ADHFE1: variants seen among roughly 807,000 people sequenced by gnomAD.
ADHFE1 encodes the protein hydroxyacid-oxoacid transhydrogenase, mitochondrial.
A neutral mutation model predicts 54.8 loss-of-function variants in ADHFE1; 37 were observed. The observed-to-expected ratio is 0.68, with a 90% CI of 0.52 to 0.89. The LOEUF (loss-of-function observed/expected upper bound fraction) is 0.89. ADHFE1 is among the 40% of genes least tolerant of loss of function. The probability of loss-of-function intolerance (pLI) is 0.00; values close to 1 mark genes in which losing one functional copy is unlikely to be tolerated. For synonymous variants in ADHFE1, 203 were observed against 229.3 expected (o/e 0.89, Z 1.04); for missense variants, 601 against 591.2 (o/e 1.02, Z -0.17).
At position 66,447,282 on chromosome 8, in the gene ADHFE1, C is replaced by G; in HGVS notation, c.569C>G (p.Thr190Ser). ...PLIAVPTTSGTGSETTGVAIF... is the reference protein window; with the variant it reads ...PLIAVPTTSGSGSETTGVAIF... ...GTTCAAGTGCCAACTACCTCAGGAA[C>G]CGGGAGTGAAACTACTGGGGTTGCC... The change falls in exon 7 of 14, where the codon ACC becomes AGC. Residue 190 changes from threonine (T) to serine (S), a missense_variant. By Grantham distance (58) the Thr-to-Ser change is moderately conservative (BLOSUM62 1). Transcript: ENST00000396623. The G allele has an allele frequency of 6.2e-7, 1 of 1,613,354 alleles. No individual in the cohort carries two copies.
At chr8:66,436,057 A>G (rs2130333221) in intron 1 of ADHFE1, among the ~76,000 whole-genome samples, 1 of 151,646 alleles carries the variant, frequency 6.6e-6, no homozygotes, top group Non-Finnish European at 1.5e-5. Context: ...CTGGGATTAC[A>G]GGCACACACC....
chr8:66,444,556 C>G, intron 4 of ADHFE1, 38 bp from the exon 5 acceptor site: 1 of 1,612,896 alleles, frequency 6.2e-7, no homozygotes, highest in African/African-American at 1.3e-5. Flanking sequence ...TATTGCAGTT[C>G]TAGTGGAGTT....
intron 8 of ADHFE1, 128 bp from the exon 9 acceptor site, chr8:66,451,825 C>A: frequency 9.7e-7 from 1 of 1,034,372 alleles, no homozygotes; most frequent in Non-Finnish European, 1.4e-6. Context: ...GTACTGTGAT[C>A]ATCAGTGTTA....
chr8:66,460,946 G>A (rs560521660), intron 13 of ADHFE1, among the ~76,000 whole-genome samples: 1 of 152,320 alleles, frequency 6.6e-6, no homozygotes, highest in South Asian at 2.1e-4. Context: ...CGATGAATGT[G>A]GGAGATTGTA....
chr8:66,459,415 T>C (rs1473162971), intron 12 of ADHFE1: 5 of 109,616 alleles, frequency 4.6e-5, no homozygotes, highest in Non-Finnish European at 1.8e-5. Flanking sequence ...TTTTATTATA[T>C]ATATATATAT....
intron 2 of ADHFE1, among the ~76,000 whole-genome samples, chr8:66,440,423 C>A (rs560878286): frequency 3.3e-5 from 5 of 152,274 alleles, no homozygotes; most frequent in Non-Finnish European, 5.9e-5. Flanking sequence ...CTATTTAATG[C>A]TACTTACAAC....
chr8:66,447,157 G>A, intron 6 of ADHFE1, 107 bp from the exon 7 acceptor site: 1 of 842,964 alleles, frequency 1.2e-6, no homozygotes, highest in Non-Finnish European at 1.8e-6. Context: ...AAGAGGGTCA[G>A]CAAAGTTTCC....
In ADHFE1 at chr8:66,447,282, C is replaced by A. The variant is rs1166388537; in HGVS notation, c.569C>A (p.Thr190Asn). The A allele has an allele frequency of 6.2e-7, 1 of 1,613,354 alleles. No homozygotes were observed. Among genetic ancestry groups the A allele is most frequent in the South Asian group, 1.1e-5 (1 of 90,928 alleles). ...PLIAVPTTSGTGSETTGVAIF... is the reference protein window; with the variant it reads ...PLIAVPTTSGNGSETTGVAIF... ...GTTCAAGTGCCAACTACCTCAGGAA[C>A]CGGGAGTGAAACTACTGGGGTTGCC... The change falls in exon 7 of 14, where the codon ACC (threonine) becomes AAC (asparagine). Residue 190 changes from threonine (T) to asparagine (N), a missense_variant. Transcript: ENST00000396623.
intron 2 of ADHFE1, among the ~76,000 whole-genome samples, chr8:66,441,491 C>G (rs2465985): frequency 0.6 from 91,681 of 152,012 alleles, 28,461 homozygotes; most frequent in African/African-American, 0.72. Flanking sequence ...TTGTTGTCCA[C>G]TTCTGATCTA....
chr8:66,458,836 G>T (rs1490109285), intron 12 of ADHFE1, among the ~76,000 whole-genome samples: 4 of 151,972 alleles, frequency 2.6e-5, no homozygotes, highest in African/African-American at 9.7e-5. Flanking sequence ...ACACTTCATA[G>T]GAAAATGCAG....
At position 66,443,264 on chromosome 8, in the gene ADHFE1, A is replaced by ATTTTTTTTTTTT. The variant is rs540464621; in HGVS notation, c.144+441_144+452dup. 6.9e-3 allele frequency among the ~76,000 whole-genome samples: 593 copies of ATTTTTTTTTTTT among 86,046 alleles called. 65 individuals carry two copies. The highest frequency in any genetic ancestry group is 8.2e-3 in the Non-Finnish European group (337 of 40,912). 56.4% of individuals were successfully genotyped at this position (86,046 alleles called of 152,430 possible). Reference sequence around the variant, plus strand: ...GTCCCTGTCTCCTCCTAGTCCAGGAATTTTTTTTTTTTTTTTTTTTTTTTT... The same window carrying ATTTTTTTTTTTT: ...GTCCCTGTCTCCTCCTAGTCCAGGAATTTTTTTTTTTTTTTTTTTTTTTTTTTTTTTTTTTTT... On this transcript the variant is annotated intron_variant, in intron 3 of 13. Coordinates refer to ENST00000396623, the MANE Select transcript of ADHFE1 (RefSeq NM_144650.3).
chr8:66,459,963 G>C (rs995068762), intron 12 of ADHFE1: 1 of 219,822 alleles, frequency 4.5e-6, no homozygotes, highest in Admixed American at 5.1e-5. Context: ...CAAATTCCAA[G>C]CCTTGAAATT....
rs1161910246 is a variant in ADHFE1, at chr8:66,444,747, A to T, written c.352A>T (p.Ser118Cys). ...TGTGAGAGTGGAACCAACGGATTCA[A>T]GGTATTCTTGTATTGTTGTTATTGT... ...DNVRVEPTDSSFMEAIEFAQK... is the reference protein window; with the variant it reads ...DNVRVEPTDSCFMEAIEFAQK... Residue 118 changes from serine to cysteine, a missense_variant and splice_region_variant, in exon 5 of 14, where the codon AGC (serine) becomes TGC (cysteine). Coordinates refer to ENST00000396623, the MANE Select transcript of ADHFE1 (RefSeq NM_144650.3). 6.2e-7 allele frequency: 1 copy of T among 1,613,852 alleles called. No homozygotes were observed. The highest frequency in any genetic ancestry group is 8.5e-7 in the Non-Finnish European group (1 of 1,179,994).
At position 66,439,124 on chromosome 8, in the gene ADHFE1, GC is replaced by G; in HGVS notation, c.60-1033del. ...CCGCGACTCGCGCCAGCTCTCACTCGCCCCCGCGTCTGCTTTGACTTCGCAG... is the reference window on the plus strand; with the variant it reads ...CCGCGACTCGCGCCAGCTCTCACTCGCCCCGCGTCTGCTTTGACTTCGCAG... On this transcript the variant is annotated intron_variant, in intron 1 of 13. Transcript: ENST00000396623. This position sits in a 1 kb window ranked among gnomAD's most constrained non-coding sequence, Gnocchi z 4.4. 1 of 930,498 alleles carries G rather than the reference GC, an allele frequency of 1.1e-6. No homozygotes were observed. Among genetic ancestry groups the G allele is most frequent in the Non-Finnish European group, 1.3e-6 (1 of 779,988 alleles). The allele number at this position is 930,498 out of a possible 1,614,324, so 57.6% of individuals were successfully genotyped here.
intron 1 of ADHFE1, 158 bp downstream of exon 1, chr8:66,432,733 C>G (rs1286785436): frequency 1.6e-6 from 2 of 1,232,606 alleles, no homozygotes; most frequent in Non-Finnish European, 2.0e-6. Flanking sequence ...CCAGGCGGAA[C>G]AGCGAGGTCA....
chr8:66,450,165 T>G (rs1041510354), intron 8 of ADHFE1, among the ~76,000 whole-genome samples: 1 of 152,216 alleles, frequency 6.6e-6, no homozygotes, highest in Non-Finnish European at 1.5e-5. Context: ...AAATTGTGTC[T>G]AACTCCATTC....
At chr8:66,441,465 G>A (rs1805741057) in intron 2 of ADHFE1, among the ~76,000 whole-genome samples, 2 of 152,144 alleles carry the variant, frequency 1.3e-5, no homozygotes, top group Admixed American at 6.5e-5. Context: ...TTTGCACTCA[G>A]GGAGCTGAAG....
chr8:66,438,560 C>G (rs1459600451), intron 1 of ADHFE1, among the ~76,000 whole-genome samples: 1 of 152,086 alleles, frequency 6.6e-6, no homozygotes, highest in Non-Finnish European at 1.5e-5. Flanking sequence ...GAGGACACAG[C>G]CAGACAGCTG....
intron 8 of ADHFE1, 69 bp downstream of exon 8, chr8:66,449,039 C>T (rs376747053): frequency 3.6e-5 from 49 of 1,347,084 alleles, no homozygotes; most frequent in East Asian, 6.9e-5. Context: ...TGTTGCTCAA[C>T]GCACATGCTA....
Sources: allele counts gnomAD v4.1 joint callset (sites outside exome capture counted in the v4.1 genomes callset), GRCh38; gene constraint gnomAD v4.1.1; non-coding constraint Gnocchi (gnomAD v3.1); transcripts MANE v1.5; gene names NCBI Gene and HGNC (gene_info 2026-07-23, HGNC 2026-07-21).